The following MCMDC2 variants were observed in gnomAD, a reference collection of about 807,000 sequenced individuals.
MCMDC2 encodes minichromosome maintenance domain-containing protein 2.
In MCMDC2, 54 loss-of-function variants were observed where a neutral mutation model predicts 75.8. The observed-to-expected ratio is 0.71, with a 90% CI of 0.57 to 0.89. The LOEUF (loss-of-function observed/expected upper bound fraction) is 0.89. Ranked by LOEUF, MCMDC2 falls within the 40% of genes least tolerant of loss-of-function variation. MCMDC2 has a pLI of 0.00. For synonymous variants in MCMDC2, 249 were observed against 274.6 expected (o/e 0.91, Z 0.92); for missense variants, 656 against 780.4 (o/e 0.84, Z 1.90).
At chr8:66,883,685 G>C in intron 8 of MCMDC2, 72 bp from the exon 9 acceptor site, 1 of 767,288 alleles carries the variant, frequency 1.3e-6, no homozygotes. Context: ...TTTAGATAAA[G>C]GGAGTCAAAT....
chr8:66,911,279 C>T (rs1242934271), intron 14 of MCMDC2, among the ~76,000 whole-genome samples: 2 of 152,018 alleles, frequency 1.3e-5, no homozygotes, highest in East Asian at 3.9e-4. Flanking sequence ...TCATGAGATC[C>T]GATGGTTTTA....
chr8:66,894,419 C>T (rs990321023), intron 10 of MCMDC2, among the ~76,000 whole-genome samples: 10 of 152,204 alleles, frequency 6.6e-5, no homozygotes, highest in Admixed American at 1.3e-4. Flanking sequence ...AGGGCAAATC[C>T]ATAGTTCCTT....
At chr8:66,893,247 A>G (rs1304516122) in intron 10 of MCMDC2, among the ~76,000 whole-genome samples, 1 of 152,178 alleles carries the variant, frequency 6.6e-6, no homozygotes, top group Admixed American at 6.5e-5. Context: ...AGTGGCTCAC[A>G]CCTGGAATCC....
intron 14 of MCMDC2, among the ~76,000 whole-genome samples, chr8:66,905,881 T>C (rs1011308586): frequency 3.3e-5 from 5 of 151,940 alleles, no homozygotes; most frequent in African/African-American, 9.7e-5. Flanking sequence ...GGCAGGTGCC[T>C]GTAGTCCCAG....
At chr8:66,908,608 GT>G (rs1812993952) in intron 14 of MCMDC2, among the ~76,000 whole-genome samples, 1 of 151,976 alleles carries the variant, frequency 6.6e-6, no homozygotes, top group South Asian at 2.1e-4. Flanking sequence ...ATATGGTTGA[GT>G]TTTTTGTTTT....
intron 8 of MCMDC2, among the ~76,000 whole-genome samples, chr8:66,881,869 G>A (rs766155775): frequency 9.2e-5 from 14 of 152,102 alleles, no homozygotes; most frequent in Non-Finnish European, 1.9e-4. Context: ...TTTTAACTTG[G>A]CTCACAAGTA....
intron 13 of MCMDC2, among the ~76,000 whole-genome samples, chr8:66,902,243 T>G (rs1399358210): frequency 3.3e-5 from 5 of 150,450 alleles, no homozygotes; most frequent in Non-Finnish European, 7.4e-5. Flanking sequence ...TACAAAAAAC[T>G]AGCTGGGCCT....
At chr8:66,881,834 A>G (rs142876254) in intron 8 of MCMDC2, among the ~76,000 whole-genome samples, 136 of 152,366 alleles carry the variant, frequency 8.9e-4, no homozygotes, top group Admixed American at 1.6e-3. Flanking sequence ...CATTATGTAA[A>G]CAAAAGTGGA....
At chr8:66,878,478 A>G in intron 5 of MCMDC2, 96 bp from the exon 6 acceptor site, 1 of 1,196,156 alleles carries the variant, frequency 8.4e-7, no homozygotes, top group East Asian at 2.8e-5. Context: ...AAAAAAGAAA[A>G]TATAAAATTA....
In MCMDC2 at chr8:66,920,458, T is replaced by G. The variant is rs1323764805; in HGVS notation, c.*1289T>G. On this transcript the variant is annotated 3_prime_UTR_variant, in exon 15 of 15. Transcript: ENST00000422365. ...CTGGTCTTGAACTCCCGACCTCAGG[T>G]GATCTGCCTGCCTCAGTCTCCCAAA... The G allele has an allele frequency of 6.6e-6, 1 of 152,170 alleles. No homozygotes were observed. Among genetic ancestry groups the G allele is most frequent in the African/African-American group, 2.4e-5 (1 of 41,424 alleles). 9.4% of individuals were successfully genotyped at this position (152,170 alleles called of 1,614,324 possible).
chr8:66,904,257 G>A (rs1812820000), intron 13 of MCMDC2, among the ~76,000 whole-genome samples: 1 of 152,072 alleles, frequency 6.6e-6, no homozygotes, highest in African/African-American at 2.4e-5. Flanking sequence ...GTAAGGAGCT[G>A]AAAATTATGT....
chr8:66,893,492 G>T (rs1486879753), intron 10 of MCMDC2, among the ~76,000 whole-genome samples: 1 of 152,224 alleles, frequency 6.6e-6, no homozygotes, highest in Admixed American at 6.5e-5. Context: ...TACAATCATG[G>T]TAGAGTGTGA....
At chr8:66,879,528 G>A (rs1032449400) in intron 7 of MCMDC2, among the ~76,000 whole-genome samples, 10 of 152,176 alleles carry the variant, frequency 6.6e-5, no homozygotes, top group Non-Finnish European at 1.5e-4. Flanking sequence ...GGGAGGCAGA[G>A]GCTGCAGTGA....
chr8:66,891,060 G>C lies in MCMDC2; in HGVS notation c.1269G>C (p.Gln423His), dbSNP rs138135862. Residue 423 changes from glutamine (Q) to histidine (H), a missense_variant, in exon 10 of 15, where the codon CAG (glutamine) becomes CAC (histidine). Coordinates refer to ENST00000422365, the MANE Select transcript of MCMDC2 (RefSeq NM_173518.5). ...CACACAAAAAAGATAAACTTGAACA[G>C]CTTCAAACAGGTAAACAATATTTTT... ...LASHKKDKLEQLQTVLESRSI... is the reference protein window; with the variant it reads ...LASHKKDKLEHLQTVLESRSI... The C allele has an allele frequency of 5.5e-5, 87 of 1,592,782 alleles. No individual in the cohort carries two copies. In the African/African-American group the frequency reaches 1.0e-3, roughly 18 times the overall value.
At chr8:66,879,099 TTAAAAAA>T (rs1436752236) in intron 7 of MCMDC2, among the ~76,000 whole-genome samples, 180 bp downstream of exon 7, 1 of 151,820 alleles carries the variant, frequency 6.6e-6, no homozygotes, top group Non-Finnish European at 1.5e-5. Context: ...CTACAAAAAA[TTAAAAAA>T]TAAAAAATTA....
At chr8:66,883,330 T>C (rs1034905502) in intron 8 of MCMDC2, among the ~76,000 whole-genome samples, 5 of 152,194 alleles carry the variant, frequency 3.3e-5, no homozygotes, top group African/African-American at 1.2e-4. Flanking sequence ...ATGCAGGCGC[T>C]CTATGATCTG....
chr8:66,908,401 C>G (rs1221435700), intron 14 of MCMDC2, among the ~76,000 whole-genome samples: 1 of 152,038 alleles, frequency 6.6e-6, no homozygotes, highest in Non-Finnish European at 1.5e-5. Context: ...CATGCTTCTC[C>G]TAGTCTATGT....
At chr8:66,888,307 C>G (rs1277195564) in intron 9 of MCMDC2, among the ~76,000 whole-genome samples, 1 of 152,138 alleles carries the variant, frequency 6.6e-6, no homozygotes, top group Non-Finnish European at 1.5e-5. Flanking sequence ...GTCTTGCACT[C>G]TCAGGCTCAA....
chr8:66,895,592 T>A (rs1172337652), intron 10 of MCMDC2, among the ~76,000 whole-genome samples: 1 of 151,666 alleles, frequency 6.6e-6, no homozygotes, highest in African/African-American at 2.4e-5. Flanking sequence ...AGTAACAGGG[T>A]CTTGCCACGT....
Sources: gnomAD v4.1 joint callset for allele counts (sites outside exome capture counted in the v4.1 genomes callset) on GRCh38, gnomAD v4.1.1 for gene constraint, MANE v1.5 for transcripts, NCBI Gene and HGNC (gene_info 2026-07-23, HGNC 2026-07-21) for gene names.